RPGRIP1L: variants seen among roughly 807,000 people sequenced by gnomAD.
RPGRIP1L encodes the protein protein fantom.
Under a neutral mutation model 160.4 loss-of-function variants are expected in RPGRIP1L, and 131 were observed. The observed-to-expected ratio is 0.82, with a 90% CI of 0.71 to 0.94. RPGRIP1L has a LOEUF of 0.94. Ranked by LOEUF, RPGRIP1L falls within the 40% of genes least tolerant of loss-of-function variation. The pLI is 0.00. For missense variants in RPGRIP1L, 1,522 were observed against 1,535.8 expected, an observed-to-expected ratio of 0.99 and a Z score of 0.15; for synonymous variants, 510 against 515.8, an observed-to-expected ratio of 0.99 and a Z score of 0.15.
At chr16:53,626,545 C>T (rs1370193918) in intron 22 of RPGRIP1L, among the ~76,000 whole-genome samples, 2 of 152,120 alleles carry the variant, frequency 1.3e-5, no homozygotes, top group Non-Finnish European at 2.9e-5. Flanking sequence ...GGACTCACGC[C>T]TGTAATCCCA....
At chr16:53,679,675 T>C (rs189513808) in intron 6 of RPGRIP1L, among the ~76,000 whole-genome samples, 1 of 152,206 alleles carries the variant, frequency 6.6e-6, no homozygotes, top group Admixed American at 6.5e-5. Flanking sequence ...TTTCATTTCT[T>C]GATAGAATTG....
At chr16:53,609,866 CT>C (rs1963918390) in intron 25 of RPGRIP1L, among the ~76,000 whole-genome samples, 1 of 152,128 alleles carries the variant, frequency 6.6e-6, no homozygotes, top group African/African-American at 2.4e-5. Flanking sequence ...TTATCAGATC[CT>C]GAGAGCTAAG....
intron 1 of RPGRIP1L, among the ~76,000 whole-genome samples, chr16:53,702,798 G>A (rs1971557738): frequency 6.6e-6 from 1 of 151,242 alleles, no homozygotes; most frequent in Non-Finnish European, 1.5e-5. Context: ...AACTACATGT[G>A]CGTGCCACCA....
chr16:53,660,051 A>C (rs1345654848), intron 10 of RPGRIP1L, among the ~76,000 whole-genome samples: 2 of 152,104 alleles, frequency 1.3e-5, no homozygotes, highest in Non-Finnish European at 2.9e-5. Context: ...GAAGATAGCA[A>C]ATTCATAAAG....
chr16:53,673,188 G>T (rs1968886044), intron 7 of RPGRIP1L, among the ~76,000 whole-genome samples, 172 bp from the exon 8 acceptor site: 2 of 152,132 alleles, frequency 1.3e-5, no homozygotes, highest in Admixed American at 1.3e-4. Flanking sequence ...CTTATCCGTA[G>T]GAGACGCTCT....
At chr16:53,690,476 G>A (rs1381197749) in intron 4 of RPGRIP1L, among the ~76,000 whole-genome samples, 6 of 152,130 alleles carry the variant, frequency 3.9e-5, no homozygotes, top group African/African-American at 1.4e-4. Flanking sequence ...GATTATAGGC[G>A]TGAGTCACTG....
chr16:53,613,162 G>A (rs942322436), intron 24 of RPGRIP1L, among the ~76,000 whole-genome samples: 3 of 152,136 alleles, frequency 2.0e-5, no homozygotes, highest in African/African-American at 7.2e-5. Context: ...TCCTGTGATA[G>A]ACATTTGGAT....
rs1966781531 is a variant in RPGRIP1L, at chr16:53,649,136, C to G, written c.2153-21G>C. On this transcript the variant is annotated intron_variant, in intron 15 of 26. Coordinates refer to ENST00000647211, the MANE Select transcript of RPGRIP1L (RefSeq NM_015272.5). Reference sequence around the variant, plus strand: ...TGTTCCTACAAATCAGTACATAACCCAAGGTTAAAATAGTTTCATACATTA... The same window carrying G: ...TGTTCCTACAAATCAGTACATAACCGAAGGTTAAAATAGTTTCATACATTA... 1 of 1,610,602 alleles carries G rather than the reference C, an allele frequency of 6.2e-7. No homozygotes were observed. Among genetic ancestry groups the G allele is most frequent in the Non-Finnish European group, 8.5e-7 (1 of 1,177,252 alleles).
Position 53,645,985 on chromosome 16 carries a change from TG to T in RPGRIP1L, c.2322del (p.Thr776LeufsTer14), listed in dbSNP as rs1253568005. ...TCTGTAGAACTGAGTTGAGCAGTTT[TG>T]GGTGCTTGCTGACTTAACTGGAAAA... ...EHMQSLSQQA[P>X]KTAQLSSTDS... On this transcript the variant is annotated frameshift_variant, in exon 17 of 27. Transcript: ENST00000647211. LOFTEE classifies it high-confidence loss of function. 35 of 1,614,146 alleles carry T rather than the reference TG, an allele frequency of 2.2e-5. No individual in the cohort carries two copies. The highest frequency in any genetic ancestry group is 3.0e-5 in the Non-Finnish European group (35 of 1,179,974).
At chr16:53,637,971 A>G in intron 20 of RPGRIP1L, 117 bp from the exon 21 acceptor site, 1 of 961,012 alleles carries the variant, frequency 1.0e-6, no homozygotes, top group Non-Finnish European at 1.6e-6. Context: ...ATATACAGAT[A>G]TGTAATATGT....
chr16:53,636,351 A>G, intron 22 of RPGRIP1L, 88 bp downstream of exon 22: 1 of 951,978 alleles, frequency 1.1e-6, no homozygotes, highest in Non-Finnish European at 1.7e-6. Context: ...GTTTTCCTTA[A>G]GATTTTTATA....
chr16:53,699,723 C>G (rs967766508), intron 2 of RPGRIP1L, among the ~76,000 whole-genome samples: 6 of 149,584 alleles, frequency 4.0e-5, no homozygotes, highest in African/African-American at 1.2e-4. Context: ...CAGGCTGAGG[C>G]AGGAGAATCG....
chr16:53,674,878 C>T (rs1200160099), intron 7 of RPGRIP1L, 139 bp downstream of exon 7: 2 of 625,778 alleles, frequency 3.2e-6, no homozygotes, highest in East Asian at 2.8e-5. Flanking sequence ...AAATGATACA[C>T]ATTTGTGAAT....
At chr16:53,626,666 G>A (rs1296011509) in intron 22 of RPGRIP1L, among the ~76,000 whole-genome samples, 1 of 152,006 alleles carries the variant, frequency 6.6e-6, no homozygotes, top group Non-Finnish European at 1.5e-5. Flanking sequence ...TTAGCCAGGT[G>A]TGGTGGTGTG....
chr16:53,636,539 T>C (rs756436293), intron 21 of RPGRIP1L, 27 bp from the exon 22 acceptor site: 10 of 1,522,448 alleles, frequency 6.6e-6, no homozygotes, highest in Non-Finnish European at 9.1e-6. Context: ...AGGGTAACAT[T>C]TACACAAGTT....
chr16:53,605,491 T>G lies in RPGRIP1L; in HGVS notation c.3825A>C (p.Gln1275His). ...MFQEGRDLIE[Q>H]NIDVFDARAD... ...CACTTTCACCCATACCATCGATATTTTGCTCAATGAGGTCCCTCCCTTCCT... is the reference window on the plus strand; with the variant it reads ...CACTTTCACCCATACCATCGATATTGTGCTCAATGAGGTCCCTCCCTTCCT... The change falls in exon 26 of 27, where the codon CAA becomes CAC. Residue 1275 changes from glutamine to histidine, a missense_variant. By Grantham distance (24) the Gln-to-His change is conservative (BLOSUM62 0). Transcript: ENST00000647211. The G allele has an allele frequency of 3.1e-6, 5 of 1,614,144 alleles. No individual in the cohort carries two copies. The highest frequency in any genetic ancestry group is 4.2e-6 in the Non-Finnish European group (5 of 1,180,018).
chr16:53,664,181 A>G (rs1178080504), intron 10 of RPGRIP1L, among the ~76,000 whole-genome samples: 1 of 152,338 alleles, frequency 6.6e-6, no homozygotes, highest in East Asian at 1.9e-4. Flanking sequence ...TGTGTGTAAC[A>G]CAGTAAAATT....
intron 13 of RPGRIP1L, among the ~76,000 whole-genome samples, chr16:53,657,233 T>C (rs1479072460): frequency 6.6e-6 from 1 of 151,620 alleles, no homozygotes; most frequent in East Asian, 1.9e-4. Context: ...ACAGCAAAAC[T>C]CTGTCTCAAA....
intron 22 of RPGRIP1L, among the ~76,000 whole-genome samples, chr16:53,635,978 G>C (rs1215349391): frequency 6.6e-6 from 1 of 152,110 alleles, no homozygotes. Context: ...TTCTAAGAAG[G>C]CTTCACTTGT....
Sources: gnomAD v4.1 joint callset for allele counts (sites outside exome capture counted in the v4.1 genomes callset) on GRCh38, gnomAD v4.1.1 for gene constraint, MANE v1.5 for transcripts, NCBI Gene and HGNC (gene_info 2026-07-23, HGNC 2026-07-21) for gene names.